NYAP2: variants seen among roughly 807,000 people sequenced by gnomAD.
The protein encoded by NYAP2 is neuronal tyrosine-phosphorylated phosphoinositide-3-kinase adapter 2.
Under a neutral mutation model 50.4 loss-of-function variants are expected in NYAP2, and 23 were observed. The observed-to-expected ratio is 0.46, with a 90% CI of 0.33 to 0.65. The LOEUF (loss-of-function observed/expected upper bound fraction) is 0.65. NYAP2 is among the 30% of genes least tolerant of loss of function. The pLI is 0.02. For synonymous variants in NYAP2, 394 were observed against 365.2 expected, an observed-to-expected ratio of 1.08 and a Z score of -0.90; for missense variants, 885 against 861.0, an observed-to-expected ratio of 1.03 and a Z score of -0.35.
At chr2:225,604,861 C>T (rs1224377386) in intron 5 of NYAP2, among the ~76,000 whole-genome samples, 2 of 151,990 alleles carry the variant, frequency 1.3e-5, no homozygotes, top group African/African-American at 4.8e-5. Context: ...GTGCTATGGC[C>T]ATCAGTTATA....
intron 5 of NYAP2, among the ~76,000 whole-genome samples, chr2:225,584,674 A>T (rs1394851153): frequency 6.6e-6 from 1 of 152,202 alleles, no homozygotes; most frequent in Non-Finnish European, 1.5e-5. Flanking sequence ...ATTCCTTGGT[A>T]GTTACAAGCC....
chr2:225,484,964 C>A (rs1205915549), intron 3 of NYAP2, among the ~76,000 whole-genome samples: 1 of 152,292 alleles, frequency 6.6e-6, no homozygotes, highest in East Asian at 1.9e-4. Flanking sequence ...TTTTAAGAAC[C>A]CCTGTGGGTA....
chr2:225,625,243 A>C (rs1693189690), intron 5 of NYAP2, among the ~76,000 whole-genome samples: 1 of 152,096 alleles, frequency 6.6e-6, no homozygotes, highest in South Asian at 2.1e-4. Context: ...TTCCATCAGG[A>C]ATGTTATATT....
rs756799729 is a variant in NYAP2 at position 225,582,874 on chromosome 2, A to G, written c.1457A>G (p.Lys486Arg). The stretch of plus-strand genomic sequence containing the variant: ...AGACCCGTGTCGCAAGATGGGGCCA[A>G]GATGGTCAACGCCGCGGTGAACACC... The change falls in exon 5 of 7, where the codon AAG (lysine) becomes AGG (arginine). Residue 486 changes from lysine to arginine, a missense_variant. Transcript: ENST00000636099. The surrounding 1 kb of genome is among the most constrained non-coding windows in gnomAD (Gnocchi z 7.0). The G allele has an allele frequency of 3.7e-6, 6 of 1,613,582 alleles. No individual in the cohort carries two copies. Among genetic ancestry groups the G allele is most frequent in the African/African-American group, 1.3e-5 (1 of 74,936 alleles).
intron 4 of NYAP2, among the ~76,000 whole-genome samples, chr2:225,532,024 A>G (rs1433464832): frequency 6.6e-6 from 1 of 152,242 alleles, no homozygotes; most frequent in Non-Finnish European, 1.5e-5. Flanking sequence ...ATATAAGGTT[A>G]AAGAATAATG....
intron 5 of NYAP2, among the ~76,000 whole-genome samples, chr2:225,599,758 G>A (rs1022961191): frequency 1.3e-5 from 2 of 152,212 alleles, no homozygotes; most frequent in African/African-American, 4.8e-5. Flanking sequence ...AAGTTGAGAA[G>A]ATCTGTACTT....
chr2:225,684,742 G>A, the NYAP2 span, among the ~76,000 whole-genome samples: 1 of 152,004 alleles, frequency 6.6e-6, no homozygotes, highest in Non-Finnish European at 1.5e-5. Context: ...GTAAAGATGG[G>A]GTTTCACTAT....
chr2:225,671,421 G>A, the NYAP2 span, among the ~76,000 whole-genome samples: 1 of 152,220 alleles, frequency 6.6e-6, no homozygotes, highest in Admixed American at 6.5e-5. Flanking sequence ...ATGTGTTCAA[G>A]TTTTATCATG....
At chr2:225,698,064 A>G in the NYAP2 span, among the ~76,000 whole-genome samples, 8 of 151,658 alleles carry the variant, frequency 5.3e-5, no homozygotes, top group Non-Finnish European at 8.8e-5. Flanking sequence ...TGTAGTCCCA[A>G]CTACTGGGGA....
chr2:225,485,284 C>A (rs145906455), intron 3 of NYAP2, among the ~76,000 whole-genome samples: 2,409 of 152,232 alleles, frequency 0.016, 22 homozygotes, highest in Non-Finnish European at 0.025. Context: ...GATTGTGAGA[C>A]CTCCCCAGCC....
intron 4 of NYAP2, among the ~76,000 whole-genome samples, chr2:225,543,196 A>T (rs926441126): frequency 9.2e-5 from 14 of 151,848 alleles, no homozygotes; most frequent in Admixed American, 4.6e-4. Flanking sequence ...TTATCTTTTT[A>T]AAAAAACCAA....
At chr2:225,573,427 T>A (rs1692110606) in intron 4 of NYAP2, among the ~76,000 whole-genome samples, 1 of 151,948 alleles carries the variant, frequency 6.6e-6, no homozygotes, top group Non-Finnish European at 1.5e-5. Context: ...AATTTTTGTA[T>A]TTTTAGTAGA....
intron 5 of NYAP2, among the ~76,000 whole-genome samples, chr2:225,591,053 T>G (rs1692492871): frequency 6.6e-6 from 1 of 152,184 alleles, no homozygotes; most frequent in South Asian, 2.1e-4. Flanking sequence ...GCAGCAGTCC[T>G]CACCTCAGAA....
rs1239597528 is a variant in NYAP2, at chr2:225,505,016, A to AAG, written c.222-8354_222-8353insGA. On this transcript the variant is annotated intron_variant, in intron 3 of 6. Coordinates refer to ENST00000636099, the Ensembl canonical transcript of NYAP2. Reference sequence around the variant, plus strand: ...GAGCAAGACTGCGTCTCGAAAAAAAAAAAAATCATCATCATCATCATTATC... The same window carrying AAG: ...GAGCAAGACTGCGTCTCGAAAAAAAAAGAAAAATCATCATCATCATCATTATC... 9.2e-5 allele frequency among the ~76,000 whole-genome samples: 14 copies of AAG among 152,120 alleles called. No individual in the cohort carries two copies. In the East Asian group the frequency reaches 2.7e-3, roughly 29 times the overall value.
intron 3 of NYAP2, among the ~76,000 whole-genome samples, chr2:225,413,835 G>T (rs1254778295): frequency 6.6e-6 from 1 of 152,166 alleles, no homozygotes; most frequent in Admixed American, 6.5e-5. Flanking sequence ...GCTGTTTAGT[G>T]TATAGAATAT....
intron 3 of NYAP2, among the ~76,000 whole-genome samples, chr2:225,413,369 T>TGATA (rs1223770844): frequency 6.6e-6 from 1 of 152,192 alleles, no homozygotes; most frequent in East Asian, 1.9e-4. Context: ...AACCTCCTTA[T>TGATA]GATAGACTGG....
chr2:225,633,699 T>C (rs954993195), intron 6 of NYAP2, among the ~76,000 whole-genome samples: 15 of 152,186 alleles, frequency 9.9e-5, no homozygotes, highest in African/African-American at 3.4e-4. Flanking sequence ...CTGGAAAGCA[T>C]AGGGGCACCC....
chr2:225,530,464 A>G (rs10933097), intron 4 of NYAP2, among the ~76,000 whole-genome samples: 80,802 of 151,970 alleles, frequency 0.53, 21,731 homozygotes, highest in East Asian at 0.65. Context: ...ATGTCTCTTC[A>G]GCATTTTAGA....
In NYAP2 at chr2:225,582,393, T is replaced by C; in HGVS notation, c.976T>C (p.Phe326Leu). The C allele has an allele frequency of 6.2e-7, 1 of 1,607,120 alleles. No individual in the cohort carries two copies. Among genetic ancestry groups the C allele is most frequent in the Non-Finnish European group, 8.5e-7 (1 of 1,175,006 alleles). ...GCTGCTTTGCGACATCCCTCCGCCC[T>C]TCCCCAACCTGCTTTCTCACAGACC... The change falls in exon 5 of 7, where the codon TTC becomes CTC. Residue 326 changes from phenylalanine (F) to leucine (L), a missense_variant. Physicochemically the swap from Phe to Leu is conservative, Grantham distance 22. Coordinates refer to ENST00000636099, the Ensembl canonical transcript of NYAP2. The surrounding 1 kb of genome is among the most constrained non-coding windows in gnomAD (Gnocchi z 7.0).
Sources: gnomAD v4.1 joint callset for allele counts (sites outside exome capture counted in the v4.1 genomes callset) on GRCh38, gnomAD v4.1.1 for gene constraint, Gnocchi (gnomAD v3.1) non-coding constraint, MANE v1.5 for transcripts, NCBI Gene and HGNC (gene_info 2026-07-23, HGNC 2026-07-21) for gene names.